Variants in GABRA6 observed in about 807,000 individuals in gnomAD.
The protein encoded by GABRA6 is gamma-aminobutyric acid receptor subunit alpha-6.
Under a neutral mutation model 47.3 loss-of-function variants are expected in GABRA6, and 45 were observed. That is an observed-to-expected ratio of 0.95 (90% CI 0.75 to 1.22). GABRA6 has a LOEUF of 1.22. Ranked by LOEUF, GABRA6 falls within the 50% of genes most tolerant of loss-of-function variation. The pLI is 0.00. For synonymous variants in GABRA6, 219 were observed against 194.7 expected (o/e 1.12, Z -1.04); for missense variants, 583 against 549.3 (o/e 1.06, Z -0.61).
Position 161,685,854 on chromosome 5 carries a change from A to ATTACTGACT in GABRA6, c.-134_-126dup. Reference sequence around the variant, plus strand: ...TTTAGGCAACCTCTTTATCTATTGGATTACTGACTTGAGGCAAACAAGGAA... The same window carrying ATTACTGACT: ...TTTAGGCAACCTCTTTATCTATTGGATTACTGACTTTACTGACTTGAGGCAAACAAGGAA... On this transcript the variant is annotated 5_prime_UTR_variant, in exon 1 of 9. Coordinates refer to ENST00000274545, the MANE Select transcript of GABRA6 (RefSeq NM_000811.3). The ATTACTGACT allele has an allele frequency of 1.3e-6, 1 of 777,916 alleles. No individual in the cohort carries two copies. The highest frequency in any genetic ancestry group is 1.8e-5 in the Admixed American group (1 of 54,524). 48.2% of individuals were successfully genotyped at this position (777,916 alleles called of 1,614,324 possible).
intron 2 of GABRA6, 130 bp from the exon 3 acceptor site, chr5:161,686,806 C>T: frequency 3.8e-6 from 3 of 782,610 alleles, no homozygotes; most frequent in Non-Finnish European, 4.5e-6. Flanking sequence ...AGGATCCCCA[C>T]TACTGGAATG....
chr5:161,699,623 C>A (rs956594721), intron 8 of GABRA6, among the ~76,000 whole-genome samples: 2 of 148,942 alleles, frequency 1.3e-5, no homozygotes, highest in Non-Finnish European at 3.0e-5. Flanking sequence ...GGCCACCATA[C>A]CAGCTAATTT....
Position 161,701,712 on chromosome 5 carries a change from T to C in GABRA6, c.1301T>C (p.Leu434Pro), listed in dbSNP as rs1754985356. 1 of 1,614,132 alleles carries C rather than the reference T, an allele frequency of 6.2e-7. No individual in the cohort carries two copies. The highest frequency in any genetic ancestry group is 8.5e-7 in the Non-Finnish European group (1 of 1,179,968). ...LFPVAFAGFN[L>P]VYWVVYLSKD... is the part of the protein sequence containing the mutation. ...CCAGTTGCATTTGCAGGATTCAACCTTGTGTACTGGGTAGTTTATCTTTCC... is the reference window on the plus strand; with the variant it reads ...CCAGTTGCATTTGCAGGATTCAACCCTGTGTACTGGGTAGTTTATCTTTCC... The change falls in exon 9 of 9, where the codon CTT becomes CCT. Residue 434 changes from leucine to proline, a missense_variant. Physicochemically the swap from Leu to Pro is moderately conservative, Grantham distance 98. Transcript: ENST00000274545.
intron 3 of GABRA6, chr5:161,687,645 C>T (rs1754725267): frequency 5.3e-6 from 2 of 374,092 alleles, no homozygotes; most frequent in South Asian, 4.0e-5. Context: ...TGGCATTTCT[C>T]TCTAAAACGG....
intron 2 of GABRA6, 69 bp downstream of exon 2, chr5:161,686,417 C>A: frequency 8.2e-7 from 1 of 1,214,846 alleles, no homozygotes; most frequent in Non-Finnish European, 1.2e-6. Flanking sequence ...CTTTGAAGAC[C>A]CAGAAGAGTC....
chr5:161,686,221 T>A lies in GABRA6; in HGVS notation c.39-9T>A, dbSNP rs768135154. 1.0e-4 allele frequency: 165 copies of A among 1,597,406 alleles called. No homozygotes were observed. Among genetic ancestry groups the A allele is most frequent in the Non-Finnish European group, 1.3e-4 (149 of 1,164,854 alleles). ...CTGGGAGTAAGGATCATTGACTGTC[T>A]ACACACAGGCTAGAAAATGCCCTAG... On this transcript the variant is annotated splice_polypyrimidine_tract_variant and intron_variant, in intron 1 of 8. Transcript: ENST00000274545.
chr5:161,695,497 T>A (rs1022303928), intron 8 of GABRA6, among the ~76,000 whole-genome samples: 1 of 152,148 alleles, frequency 6.6e-6, no homozygotes. Context: ...TTTCAGAGCC[T>A]ATTAACATGT....
chr5:161,687,002 T>C lies in GABRA6; in HGVS notation c.224T>C (p.Met75Thr), dbSNP rs768725202. ...TSFGPVSDVE[M>T]EYTMDVFFRQ... The stretch of plus-strand genomic sequence containing the variant: ...TTTGGGCCCGTGTCAGATGTGGAGA[T>C]GGTGAGTAAGTTCTAAGTGAGTTGG... The change falls in exon 3 of 9, where the codon ATG becomes ACG. Residue 75 changes from methionine (M) to threonine (T), a missense_variant and splice_region_variant. Coordinates refer to ENST00000274545, the MANE Select transcript of GABRA6 (RefSeq NM_000811.3). 1.2e-6 allele frequency: 2 copies of C among 1,613,644 alleles called. No individual in the cohort carries two copies. The highest frequency in any genetic ancestry group is 3.3e-5 in the Admixed American group (2 of 59,996).
At chr5:161,697,526 C>A (rs1045876312) in intron 8 of GABRA6, among the ~76,000 whole-genome samples, 4 of 152,112 alleles carry the variant, frequency 2.6e-5, no homozygotes, top group African/African-American at 9.7e-5. Context: ...GGCAGTGGGA[C>A]ACTTGTGACT....
chr5:161,687,559 A>G (rs1455941270), intron 3 of GABRA6: 1 of 455,560 alleles, frequency 2.2e-6, no homozygotes, highest in African/African-American at 2.0e-5. Flanking sequence ...GAGGGTATTT[A>G]TAGTAAGTAG....
chr5:161,686,036 G>T lies in GABRA6; in HGVS notation c.38+9G>T. ...CTGTGCATTATTCTGTGGTGAGTAA[G>T]ATCCTTTTTCCTGATTTTTCTTTTT... On this transcript the variant is annotated intron_variant, in intron 1 of 8. Transcript: ENST00000274545. The T allele has an allele frequency of 6.2e-7, 1 of 1,613,118 alleles. No individual in the cohort carries two copies. Among genetic ancestry groups the T allele is most frequent in the Non-Finnish European group, 8.5e-7 (1 of 1,179,118 alleles).
chr5:161,686,135 T>A (rs1754686504), intron 1 of GABRA6, 95 bp from the exon 2 acceptor site: 1 of 1,364,680 alleles, frequency 7.3e-7, no homozygotes, highest in Non-Finnish European at 1.1e-6. Context: ...CCAGAAGTGG[T>A]GTTGCATGTA....
intron 3 of GABRA6, among the ~76,000 whole-genome samples, 200 bp from the exon 4 acceptor site, chr5:161,688,739 TACATATCACA>T (rs1754738263): frequency 6.6e-6 from 1 of 152,184 alleles, no homozygotes; most frequent in Non-Finnish European, 1.5e-5. Context: ...GAGGGAAGTT[TACATATCACA>T]GCACTATCTT....
intron 7 of GABRA6, 135 bp from the exon 8 acceptor site, chr5:161,691,806 A>G (rs1360461239): frequency 5.3e-6 from 4 of 749,776 alleles, no homozygotes; most frequent in African/African-American, 1.8e-5. Flanking sequence ...ATGAACAATT[A>G]TAATACAAAA....
intron 8 of GABRA6, among the ~76,000 whole-genome samples, chr5:161,700,914 C>A (rs1314469242): frequency 6.6e-6 from 1 of 152,128 alleles, no homozygotes; most frequent in Non-Finnish European, 1.5e-5. Flanking sequence ...GATATTTATT[C>A]TTTGTCACTG....
chr5:161,696,176 AC>A (rs1244688415), intron 8 of GABRA6, among the ~76,000 whole-genome samples: 2 of 152,142 alleles, frequency 1.3e-5, no homozygotes, highest in Non-Finnish European at 2.9e-5. Flanking sequence ...GAAACTCTAA[AC>A]CAGTTGCTAC....
At chr5:161,693,656 A>AT (rs1754842239) in intron 8 of GABRA6, among the ~76,000 whole-genome samples, 6 of 58,304 alleles carry the variant, frequency 1.0e-4, no homozygotes, top group Admixed American at 8.1e-4. Flanking sequence ...ATCTGCAAAA[A>AT]TAAAAAAAAA....
In GABRA6 at chr5:161,690,462, T is replaced by A. The variant is rs552831430; in HGVS notation, c.826+109T>A. 2.1e-5 allele frequency: 23 copies of A among 1,106,994 alleles called. No individual in the cohort carries two copies. In the African/African-American group the frequency reaches 2.9e-4, roughly 14 times the overall value. The allele number at this position is 1,106,994 out of a possible 1,614,324, so 68.6% of individuals were successfully genotyped here. On this transcript the variant is annotated intron_variant, in intron 7 of 8. Transcript: ENST00000274545. ...GCACTTTTTCAATCCACAAAGAAAA[T>A]AGGTTCCTGTCTCATCCAGACATAT...
intron 7 of GABRA6, among the ~76,000 whole-genome samples, chr5:161,691,246 G>T (rs1393101087): frequency 6.8e-6 from 1 of 146,618 alleles, no homozygotes; most frequent in Non-Finnish European, 1.5e-5. Context: ...ATGTTAGCTG[G>T]TAAAATTGGT....
Sources: allele counts gnomAD v4.1 joint callset (sites outside exome capture counted in the v4.1 genomes callset), GRCh38; gene constraint gnomAD v4.1.1; transcripts MANE v1.5; gene names NCBI Gene and HGNC (gene_info 2026-07-23, HGNC 2026-07-21).